MGAT4C: variants seen among roughly 807,000 people sequenced by gnomAD.
MGAT4C encodes alpha-1,3-mannosyl-glycoprotein 4-beta-N-acetylglucosaminyltransferase C.
In MGAT4C, 19 loss-of-function variants were observed where a neutral mutation model predicts 40.1. The ratio of observed to expected loss-of-function variants is 0.47; its 90% CI spans 0.33 to 0.70. The LOEUF is 0.70. Among genes scored for constraint, MGAT4C ranks in the 30% least tolerant of loss-of-function variants. The pLI, the probability that MGAT4C is intolerant of heterozygous loss-of-function variation, is 0.02. For missense variants in MGAT4C, 491 were observed against 563.2 expected, an observed-to-expected ratio of 0.87 and a Z score of 1.30; for synonymous variants, 181 against 187.1, an observed-to-expected ratio of 0.97 and a Z score of 0.27.
chr12:86,715,409 T>G (rs1390391612), intron 2 of MGAT4C, among the ~76,000 whole-genome samples: 7 of 152,280 alleles, frequency 4.6e-5, no homozygotes, highest in Non-Finnish European at 1.0e-4. Flanking sequence ...CTGTTGGTTA[T>G]GCTCTGTTTC....
At chr12:86,320,094 C>G (rs948218411) in intron 4 of MGAT4C, among the ~76,000 whole-genome samples, 6 of 152,056 alleles carry the variant, frequency 3.9e-5, no homozygotes, top group African/African-American at 1.4e-4. Flanking sequence ...GCCCATACTT[C>G]CTGACACTAC....
At chr12:86,773,031 G>A (rs1047000484) in intron 1 of MGAT4C, among the ~76,000 whole-genome samples, 11 of 152,214 alleles carry the variant, frequency 7.2e-5, no homozygotes, top group Admixed American at 3.3e-4. Context: ...CATTTGTGGG[G>A]GGCAGAGCAT....
At chr12:86,261,256 T>C (rs1009992337), upstream of MGAT4C, among the ~76,000 whole-genome samples, 1 of 152,076 alleles carries the variant, frequency 6.6e-6, no homozygotes, top group Non-Finnish European at 1.5e-5. Flanking sequence ...TGCATCAACT[T>C]CACTTCTATT....
intron 1 of MGAT4C, among the ~76,000 whole-genome samples, chr12:86,782,794 G>A (rs2136184916): frequency 6.6e-6 from 1 of 151,970 alleles, no homozygotes; most frequent in Non-Finnish European, 1.5e-5. Flanking sequence ...GAAAAGCTAC[G>A]TGAAGACACA....
chr12:86,361,912 G>C (rs1392555800), intron 3 of MGAT4C, among the ~76,000 whole-genome samples: 1 of 152,234 alleles, frequency 6.6e-6, no homozygotes, highest in East Asian at 1.9e-4. Flanking sequence ...TTCAACCATT[G>C]TGGAAGACAG....
intron 1 of MGAT4C, among the ~76,000 whole-genome samples, chr12:86,830,108 G>A (rs1005420045): frequency 4.0e-5 from 6 of 151,488 alleles, no homozygotes; most frequent in Middle Eastern, 6.3e-3. Context: ...ATGTTGGGTT[G>A]CCTATTAATG....
intron 2 of MGAT4C, among the ~76,000 whole-genome samples, chr12:86,554,892 G>T (rs1356621275): frequency 4.6e-5 from 7 of 152,166 alleles, no homozygotes; most frequent in African/African-American, 1.4e-4. Context: ...CCTTCTGGAA[G>T]TTCTAGAGGA....
At chr12:86,292,453 G>C (rs886720396) in intron 4 of MGAT4C, among the ~76,000 whole-genome samples, 3 of 141,876 alleles carry the variant, frequency 2.1e-5, no homozygotes, top group African/African-American at 7.7e-5. Flanking sequence ...TTTTTTTTTA[G>C]TGAAGAGATC....
chr12:86,817,118 C>T (rs1952621841), intron 1 of MGAT4C, among the ~76,000 whole-genome samples: 1 of 150,540 alleles, frequency 6.6e-6, no homozygotes, highest in Admixed American at 6.7e-5. Context: ...TATTTTCAAA[C>T]ATTCTTTTTT....
chr12:86,203,587 A>G (rs1054513133), intron 1 of MGAT4C, among the ~76,000 whole-genome samples: 4 of 152,122 alleles, frequency 2.6e-5, no homozygotes, highest in African/African-American at 9.7e-5. Flanking sequence ...TGCACCAGAC[A>G]ATATGTTACC....
chr12:86,212,082 T>C (rs1950493182), intron 1 of MGAT4C, among the ~76,000 whole-genome samples: 1 of 152,146 alleles, frequency 6.6e-6, no homozygotes. Flanking sequence ...ATTCAAAGAG[T>C]ATAGCCCTAG....
upstream of MGAT4C, among the ~76,000 whole-genome samples, chr12:86,257,928 C>G (rs969914911): frequency 1.3e-5 from 2 of 151,754 alleles, no homozygotes; most frequent in Non-Finnish European, 2.9e-5. Flanking sequence ...ATGCTACATA[C>G]AGCAAAATAA....
rs1045945179 is a variant in MGAT4C, at chr12:85,962,429, A to C, written c.*16860T>G. On this transcript the variant is annotated 3_prime_UTR_variant, in exon 5 of 5. Transcript: ENST00000611864. Reference sequence around the variant, plus strand: ...AATTATATAATTATATAATTATATAAAATTTTATAATTAATTATAAAATAA... The same window carrying C: ...AATTATATAATTATATAATTATATACAATTTTATAATTAATTATAAAATAA... The C allele has an allele frequency of 6.1e-5, 9 of 147,870 alleles. No homozygotes were observed. Among genetic ancestry groups the C allele is most frequent in the South Asian group, 2.1e-4 (1 of 4,764 alleles). 9.2% of individuals were successfully genotyped at this position (147,870 alleles called of 1,614,324 possible).
At chr12:86,765,902 G>A (rs148098277) in intron 1 of MGAT4C, among the ~76,000 whole-genome samples, 4,664 of 152,206 alleles carry the variant, frequency 0.031, 94 homozygotes, top group Middle Eastern at 0.044. Flanking sequence ...GGTACCAGCT[G>A]CTGCAAAATC....
At chr12:86,615,498 A>G (rs547555991) in intron 2 of MGAT4C, among the ~76,000 whole-genome samples, 12 of 152,074 alleles carry the variant, frequency 7.9e-5, no homozygotes, top group Non-Finnish European at 1.8e-4. Context: ...CTCATTTTCT[A>G]CCAAGTTTCC....
intron 1 of MGAT4C, among the ~76,000 whole-genome samples, chr12:86,239,406 A>ATC (rs919197904): frequency 4.0e-5 from 6 of 151,064 alleles, no homozygotes; most frequent in African/African-American, 1.5e-4. Flanking sequence ...AGCCACAGCC[A>ATC]TCTCTCTCTC....
At chr12:86,106,931 G>T (rs2135621494) in intron 1 of MGAT4C, among the ~76,000 whole-genome samples, 1 of 152,210 alleles carries the variant, frequency 6.6e-6, no homozygotes, top group Middle Eastern at 3.4e-3. Context: ...TCAATATACT[G>T]CAGAGTTTTT....
At chr12:86,299,997 T>C (rs770008399) in intron 4 of MGAT4C, among the ~76,000 whole-genome samples, 3 of 152,226 alleles carry the variant, frequency 2.0e-5, no homozygotes, top group Non-Finnish European at 2.9e-5. Flanking sequence ...TTGCAGTAGA[T>C]TTAACTCAAA....
At chr12:86,827,893 C>T (rs1399306690) in intron 1 of MGAT4C, among the ~76,000 whole-genome samples, 2 of 151,274 alleles carry the variant, frequency 1.3e-5, no homozygotes, top group African/African-American at 4.8e-5. Context: ...AGTTCGTATG[C>T]TTTCTGGGAA....
Sources: gnomAD v4.1 joint callset for allele counts (sites outside exome capture counted in the v4.1 genomes callset) on GRCh38, gnomAD v4.1.1 for gene constraint, MANE v1.5 for transcripts, NCBI Gene and HGNC (gene_info 2026-07-23, HGNC 2026-07-21) for gene names.